The following COG5 variants were observed in gnomAD, a reference collection of about 807,000 sequenced individuals.
COG5 encodes the protein conserved oligomeric Golgi complex subunit 5.
In COG5, 86 loss-of-function variants were observed where a neutral mutation model predicts 110.4. The ratio of observed to expected loss-of-function variants is 0.78; its 90% CI spans 0.65 to 0.93. COG5 has a LOEUF of 0.93. COG5 is among the 40% of genes least tolerant of loss of function. The probability of loss-of-function intolerance (pLI) is 0.00; values close to 1 mark genes in which losing one functional copy is unlikely to be tolerated. For synonymous variants in COG5, 360 were observed against 334.6 expected (o/e 1.08, Z -0.83); for missense variants, 1,077 against 987.0 (o/e 1.09, Z -1.22).
chr7:107,521,860 T>C (rs537712761), intron 6 of COG5, among the ~76,000 whole-genome samples: 2 of 152,276 alleles, frequency 1.3e-5, no homozygotes, highest in African/African-American at 2.4e-5. Flanking sequence ...CTACTTACAG[T>C]AGCAAAGACA....
intron 6 of COG5, among the ~76,000 whole-genome samples, chr7:107,435,105 CA>C (rs1402091528): frequency 6.6e-6 from 1 of 151,984 alleles, no homozygotes; most frequent in African/African-American, 2.4e-5. Context: ...CTAAAGTAGT[CA>C]AACTCATAGA....
chr7:107,289,590 G>C (rs1401717238), intron 12 of COG5, among the ~76,000 whole-genome samples: 1 of 152,130 alleles, frequency 6.6e-6, no homozygotes, highest in Non-Finnish European at 1.5e-5. Context: ...ATATCAATTT[G>C]GGGGGCATTA....
intron 1 of COG5, among the ~76,000 whole-genome samples, chr7:107,560,920 T>A (rs1803720597): frequency 6.9e-6 from 1 of 145,674 alleles, no homozygotes; most frequent in Admixed American, 6.6e-5. Flanking sequence ...ACCAGATGAT[T>A]TAGGAAAAAA....
chr7:107,392,332 T>C lies in COG5; in HGVS notation c.670-19572A>G, dbSNP rs1215543971. 2.0e-5 allele frequency among the ~76,000 whole-genome samples: 3 copies of C among 152,212 alleles called. No individual in the cohort carries two copies. The East Asian group carries it at 5.8e-4, about 29-fold the overall frequency. ...GAACCAGGCATTATGTTAGGTGTTT[T>C]ACATATATGATGTCTACTTTTCCCC... On this transcript the variant is annotated intron_variant, in intron 7 of 21. Coordinates refer to ENST00000297135, the MANE Select transcript of COG5 (RefSeq NM_006348.5).
At chr7:107,233,948 T>G (rs1421989844) in intron 18 of COG5, among the ~76,000 whole-genome samples, 1 of 152,262 alleles carries the variant, frequency 6.6e-6, no homozygotes, top group Non-Finnish European at 1.5e-5. Context: ...CTTGAAATTT[T>G]AATTTTAATT....
intron 6 of COG5, among the ~76,000 whole-genome samples, chr7:107,445,085 G>A (rs912610805): frequency 6.6e-6 from 1 of 152,018 alleles, no homozygotes; most frequent in African/African-American, 2.4e-5. Flanking sequence ...TGAGATAGGA[G>A]TATCTCAGGA....
intron 9 of COG5, 28 bp from the exon 10 acceptor site, chr7:107,362,138 G>T: frequency 6.4e-7 from 1 of 1,554,478 alleles, no homozygotes; most frequent in Non-Finnish European, 8.8e-7. Context: ...TAAAGCTTAG[G>T]CAATAGAAAA....
intron 6 of COG5, among the ~76,000 whole-genome samples, chr7:107,505,686 G>GT (rs1254102992): frequency 4.6e-5 from 7 of 152,212 alleles, no homozygotes; most frequent in Non-Finnish European, 2.9e-5. Flanking sequence ...CATGGCAACT[G>GT]TATTTCTCCT....
In COG5 at chr7:107,474,119, G is replaced by A. The variant is rs148017336; in HGVS notation, c.538+53118C>T. 8 of 1,608,244 alleles carry A rather than the reference G, an allele frequency of 5.0e-6. No individual in the cohort carries two copies. The highest frequency in any genetic ancestry group is 2.7e-5 in the African/African-American group (2 of 74,712). ...CAGTCTGAATCTAACATTACAGTGC[G>A]AGATGACATTGATGACATCAACACC... On this transcript the variant is annotated intron_variant, in intron 6 of 21. Transcript: ENST00000297135. This position sits in a 1 kb window ranked among gnomAD's most constrained non-coding sequence, Gnocchi z 5.7.
chr7:107,231,902 T>C (rs1051935946), intron 18 of COG5, among the ~76,000 whole-genome samples: 2 of 152,232 alleles, frequency 1.3e-5, no homozygotes, highest in African/African-American at 2.4e-5. Flanking sequence ...TTTGTGTATA[T>C]GTCCACATAT....
intron 6 of COG5, among the ~76,000 whole-genome samples, chr7:107,418,801 T>G (rs1241869734): frequency 6.6e-6 from 1 of 151,622 alleles, no homozygotes; most frequent in Non-Finnish European, 1.5e-5. Flanking sequence ...TGAAATAGAG[T>G]CTTGCTCTGT....
Position 107,362,417 on chromosome 7 carries a change from C to T in COG5, c.839G>A (p.Gly280Glu), listed in dbSNP as rs138072101. ...GGTTGGCATGGTAGATCGTCCAGGT[C>T]CCCCTGGTTATGAGTGAGAAAGAAC... is the stretch of plus-strand genomic sequence containing the variant. ...TQPSQSAVRGGPGRSTMPTPG... is the reference protein window; with the variant it reads ...TQPSQSAVRGEPGRSTMPTPG... Residue 280 changes from glycine to glutamate, a missense_variant, in exon 9 of 22, where the codon GGA becomes GAA. Gly to Glu is a moderately conservative substitution (Grantham distance 98). Coordinates refer to ENST00000297135, the MANE Select transcript of COG5 (RefSeq NM_006348.5). 7 of 1,607,654 alleles carry T rather than the reference C, an allele frequency of 4.4e-6. No individual in the cohort carries two copies. The highest frequency in any genetic ancestry group is 1.7e-5 in the Admixed American group (1 of 59,970).
intron 8 of COG5, among the ~76,000 whole-genome samples, chr7:107,371,042 G>C (rs917938202): frequency 2.6e-5 from 4 of 151,882 alleles, no homozygotes; most frequent in Non-Finnish European, 4.4e-5. Flanking sequence ...AGATTAAACT[G>C]CTCCTGGAAA....
At chr7:107,253,574 T>C (rs986792854) in intron 16 of COG5, among the ~76,000 whole-genome samples, 2 of 152,238 alleles carry the variant, frequency 1.3e-5, no homozygotes, top group Middle Eastern at 3.4e-3. Flanking sequence ...GGTACTTATA[T>C]AGCTATGGTG....
chr7:107,253,118 C>T (rs1423249563), intron 16 of COG5: 1 of 152,066 alleles, frequency 6.6e-6, no homozygotes, highest in Non-Finnish European at 1.5e-5. Context: ...GCATAAAGAT[C>T]AGAAAGTAAG....
intron 14 of COG5, among the ~76,000 whole-genome samples, chr7:107,269,214 G>A (rs191529635): frequency 1.6e-3 from 244 of 152,142 alleles, no homozygotes; most frequent in African/African-American, 5.5e-3. Flanking sequence ...GGTGGCTCAC[G>A]CCTGTAATCC....
chr7:107,421,915 A>G (rs1198425295), intron 6 of COG5, among the ~76,000 whole-genome samples: 1 of 152,226 alleles, frequency 6.6e-6, no homozygotes, highest in African/African-American at 2.4e-5. Flanking sequence ...GTGAAAATGA[A>G]AATACAAAAT....
At chr7:107,224,805 A>G (rs1461434035) in intron 19 of COG5, among the ~76,000 whole-genome samples, 2 of 152,222 alleles carry the variant, frequency 1.3e-5, no homozygotes, top group Non-Finnish European at 2.9e-5. Flanking sequence ...TAGAAATACA[A>G]ATCACCCAGG....
At chr7:107,560,551 A>G (rs1293375607) in intron 1 of COG5, among the ~76,000 whole-genome samples, 1 of 152,230 alleles carries the variant, frequency 6.6e-6, no homozygotes, top group Non-Finnish European at 1.5e-5. Flanking sequence ...CAAGATGAAC[A>G]TAAACTTCTG....
Sources: gnomAD v4.1 joint callset for allele counts (sites outside exome capture counted in the v4.1 genomes callset) on GRCh38, gnomAD v4.1.1 for gene constraint, Gnocchi (gnomAD v3.1) non-coding constraint, MANE v1.5 for transcripts, NCBI Gene and HGNC (gene_info 2026-07-23, HGNC 2026-07-21) for gene names.